SH3KBP1: variants seen among roughly 807,000 people sequenced by gnomAD.
SH3KBP1 encodes SH3 domain containing kinase binding protein 1, also known as SH3 domain-containing kinase-binding protein 1.
SH3KBP1 carries 8 observed loss-of-function variants against 50.1 expected under a neutral mutation model. That is an observed-to-expected ratio of 0.16 (90% confidence interval 0.09 to 0.29). The LOEUF (loss-of-function observed/expected upper bound fraction) is 0.29, where lower values mean the gene tolerates loss of function less well. Among genes scored for constraint, SH3KBP1 ranks in the 10% least tolerant of loss-of-function variants. The probability of loss-of-function intolerance (pLI) is 1.00; values close to 1 mark genes in which losing one functional copy is unlikely to be tolerated. For synonymous variants in SH3KBP1, 227 were observed against 218.6 expected (o/e 1.04, Z -0.34); for missense variants, 377 against 535.2 (o/e 0.70, Z 2.92).
At chrX:19,606,126 C>T (rs1247780367) in intron 9 of SH3KBP1, among the ~76,000 whole-genome samples, 2 of 112,043 alleles carry the variant, frequency 1.8e-5, no homozygotes, top group African/African-American at 6.5e-5. Flanking sequence ...AGGCATTTAC[C>T]AACTACTAGG....
At chrX:19,616,802 C>T (rs1166751390) in intron 8 of SH3KBP1, among the ~76,000 whole-genome samples, 1 of 110,690 alleles carries the variant, frequency 9.0e-6, no homozygotes, top group Non-Finnish European at 1.9e-5. Context: ...AACTGGATGC[C>T]AGAAGTTCTC....
chrX:19,608,052 A>G lies in SH3KBP1; in HGVS notation c.898-7T>C, dbSNP rs1302959379. On this transcript the variant is annotated splice_polypyrimidine_tract_variant and splice_region_variant and intron_variant, in intron 8 of 17. Coordinates refer to ENST00000397821, the MANE Select transcript of SH3KBP1 (RefSeq NM_031892.3). ...AGCCTACGTCGATGCAGTCCTAGAA[A>G]ACAGGAGAACAGAGAGTGAGAGATG... 1 of 1,195,213 alleles carries G rather than the reference A, an allele frequency of 8.4e-7. No individual in the cohort carries two copies. Among genetic ancestry groups the G allele is most frequent in the Admixed American group, 2.2e-5 (1 of 45,707 alleles).
At chrX:19,569,412 G>C (rs1324301367) in intron 12 of SH3KBP1, among the ~76,000 whole-genome samples, 1 of 112,093 alleles carries the variant, frequency 8.9e-6, no homozygotes. Context: ...TTTCAAAAAT[G>C]GCTATTTTAA....
chrX:19,785,085 GTACTGGGCAAATGAAGA>G (rs2066297364), intron 2 of SH3KBP1, among the ~76,000 whole-genome samples: 1 of 110,666 alleles, frequency 9.0e-6, no homozygotes, highest in African/African-American at 3.3e-5. Context: ...ACAGTGCCAG[GTACTGGGCAAATGAAGA>G]TATCACCCCA....
At chrX:19,666,230 A>C (rs2062594777) in intron 6 of SH3KBP1, among the ~76,000 whole-genome samples, 1 of 111,662 alleles carries the variant, frequency 9.0e-6, no homozygotes. Context: ...TCCACTACGT[A>C]AGATGAATAA....
intron 2 of SH3KBP1, among the ~76,000 whole-genome samples, chrX:19,757,074 A>C (rs1393662176): frequency 9.1e-6 from 1 of 109,907 alleles, no homozygotes; most frequent in African/African-American, 3.3e-5. Context: ...AGCTATTCAA[A>C]ATTTTAATTA....
At chrX:19,842,070 G>T (rs976918334) in intron 1 of SH3KBP1, among the ~76,000 whole-genome samples, 3 of 111,705 alleles carry the variant, frequency 2.7e-5, no homozygotes, top group African/African-American at 9.8e-5. Context: ...CCGGGGATGG[G>T]AATGGGGATG....
intron 8 of SH3KBP1, among the ~76,000 whole-genome samples, chrX:19,615,327 C>A (rs2067575471): frequency 8.9e-6 from 1 of 111,973 alleles, no homozygotes; most frequent in Admixed American, 9.4e-5. Flanking sequence ...TGGTCAGCTG[C>A]CCCCAGGCTC....
intron 3 of SH3KBP1, among the ~76,000 whole-genome samples, chrX:19,711,526 T>C (rs751497245): frequency 1.8e-5 from 2 of 111,352 alleles, no homozygotes; most frequent in South Asian, 7.5e-4. Flanking sequence ...ACAAATAATG[T>C]ATTGGATGAA....
At chrX:19,605,177 G>A (rs1029937576) in intron 9 of SH3KBP1, among the ~76,000 whole-genome samples, 6 of 109,942 alleles carry the variant, frequency 5.5e-5, no homozygotes, top group Non-Finnish European at 7.6e-5. Flanking sequence ...CCCCCCCCAA[G>A]ACATGACTGG....
At chrX:19,551,146 C>T (rs1380929982) in intron 13 of SH3KBP1, among the ~76,000 whole-genome samples, 2 of 111,829 alleles carry the variant, frequency 1.8e-5, no homozygotes, top group Admixed American at 9.5e-5. Context: ...CAAAATCAAG[C>T]ACAAGTCACT....
chrX:19,700,609 A>G, intron 4 of SH3KBP1, among the ~76,000 whole-genome samples: 1 of 112,316 alleles, frequency 8.9e-6, no homozygotes. Context: ...CTTTTTAAAT[A>G]TCGCTGAAAA....
chrX:19,751,669 C>A (rs979364618), intron 2 of SH3KBP1, among the ~76,000 whole-genome samples: 1 of 111,566 alleles, frequency 9.0e-6, no homozygotes, highest in African/African-American at 3.3e-5. Flanking sequence ...CTGCAAAGGA[C>A]GCTTCAGCTG....
intron 2 of SH3KBP1, among the ~76,000 whole-genome samples, chrX:19,833,220 C>G (rs1479261434): frequency 9.2e-6 from 1 of 108,560 alleles, no homozygotes; most frequent in Admixed American, 9.7e-5. Context: ...CTCCCTCTTT[C>G]CCACAGTCCT....
chrX:19,547,599 G>A (rs1004632910), intron 14 of SH3KBP1, among the ~76,000 whole-genome samples: 1 of 111,874 alleles, frequency 8.9e-6, no homozygotes, highest in Non-Finnish European at 1.9e-5. Flanking sequence ...TAGGCTTAAC[G>A]CTTAGCCACC....
chrX:19,816,576 G>C (rs911309342), intron 2 of SH3KBP1, among the ~76,000 whole-genome samples: 3 of 111,813 alleles, frequency 2.7e-5, no homozygotes, highest in Non-Finnish European at 5.6e-5. Context: ...GGGAGGCCAA[G>C]GCAGTGGATT....
At chrX:19,818,365 T>G (rs1018658916) in intron 2 of SH3KBP1, among the ~76,000 whole-genome samples, 1 of 112,530 alleles carries the variant, frequency 8.9e-6, no homozygotes, top group Admixed American at 9.4e-5. Flanking sequence ...TCACGTCATC[T>G]GCAAATAAGA....
At chrX:19,728,601 G>A (rs1159417911) in intron 3 of SH3KBP1, among the ~76,000 whole-genome samples, 1 of 112,443 alleles carries the variant, frequency 8.9e-6, no homozygotes, top group African/African-American at 3.2e-5. Flanking sequence ...GTGGGAACTT[G>A]ATTTGTTCAA....
At chrX:19,538,689 C>T (rs766921371) in intron 16 of SH3KBP1, among the ~76,000 whole-genome samples, 4 of 110,159 alleles carry the variant, frequency 3.6e-5, no homozygotes, top group South Asian at 3.9e-4. Context: ...TGGGTTCAAG[C>T]GATTCTCCTG....
Sources: gnomAD v4.1 joint callset for allele counts (sites outside exome capture counted in the v4.1 genomes callset) on GRCh38, gnomAD v4.1.1 for gene constraint, MANE v1.5 for transcripts, NCBI Gene and HGNC (gene_info 2026-07-23, HGNC 2026-07-21) for gene names.